CNTN3: variants seen among roughly 807,000 people sequenced by gnomAD.
CNTN3 encodes the protein contactin 3.
CNTN3 carries 60 observed loss-of-function variants against 119.1 expected under a neutral mutation model. The ratio of observed to expected loss-of-function variants is 0.50; its 90% confidence interval spans 0.41 to 0.62. The LOEUF is 0.62. Among genes scored for constraint, CNTN3 ranks in the 20% least tolerant of loss-of-function variants. CNTN3 has a pLI of 0.00. For synonymous variants in CNTN3, 450 were observed against 438.7 expected, an observed-to-expected ratio of 1.03 and a Z score of -0.32; for missense variants, 1,101 against 1,242.4, an observed-to-expected ratio of 0.89 and a Z score of 1.71.
At chr3:74,318,869 A>G (rs1176395234) in intron 13 of CNTN3, among the ~76,000 whole-genome samples, 3 of 152,122 alleles carry the variant, frequency 2.0e-5, no homozygotes, top group Non-Finnish European at 4.4e-5. Flanking sequence ...GAGAACCACT[A>G]GTCTCTTCAA....
chr3:74,398,144 A>G (rs1030706154), intron 5 of CNTN3, among the ~76,000 whole-genome samples: 5 of 152,196 alleles, frequency 3.3e-5, no homozygotes, highest in Non-Finnish European at 7.4e-5. Context: ...GTTTGAGAGG[A>G]CTGATTTTAG....
chr3:74,371,765 G>A (rs11710125), intron 5 of CNTN3, among the ~76,000 whole-genome samples: 11,807 of 152,034 alleles, frequency 0.078, 647 homozygotes, highest in Middle Eastern at 0.16. Context: ...CAAACTTGGC[G>A]AAGTTCTTTA....
chr3:74,558,065 G>A (rs754428075), intron 1 of CNTN3, among the ~76,000 whole-genome samples: 1 of 152,084 alleles, frequency 6.6e-6, no homozygotes, highest in East Asian at 1.9e-4. Flanking sequence ...AACTGCCCTC[G>A]GCCAGAGTTG....
At chr3:74,265,833 G>A (rs1183361714) in intron 22 of CNTN3, among the ~76,000 whole-genome samples, 2 of 152,128 alleles carry the variant, frequency 1.3e-5, no homozygotes, top group African/African-American at 4.8e-5. Flanking sequence ...TAGTTAAACT[G>A]AGGCCAGAAA....
intron 19 of CNTN3, among the ~76,000 whole-genome samples, chr3:74,286,107 T>C (rs1702112027): frequency 6.6e-6 from 1 of 151,836 alleles, no homozygotes; most frequent in Admixed American, 6.6e-5. Context: ...AGTACAGGGA[T>C]GGAGAAGAAA....
In CNTN3 at chr3:74,353,298, A is replaced by T. The variant is rs182389361; in HGVS notation, c.1364+8592T>A. Among the ~76,000 whole-genome samples, 3 of 152,312 alleles carry T rather than the reference A, an allele frequency of 2.0e-5. No homozygotes were observed. In the East Asian group the frequency reaches 5.8e-4, roughly 29 times the overall value. On this transcript the variant is annotated intron_variant, in intron 11 of 22. Coordinates refer to ENST00000263665, the MANE Select transcript of CNTN3 (RefSeq NM_020872.3). Reference sequence around the variant, plus strand: ...TGGCTCTGATAGAATCATCCTGGTTATTTGCAAAAGTTTAGATTCTGCTTG... The same window carrying T: ...TGGCTCTGATAGAATCATCCTGGTTTTTTGCAAAAGTTTAGATTCTGCTTG...
intron 4 of CNTN3, among the ~76,000 whole-genome samples, chr3:74,452,894 G>A (rs375938841): frequency 1.3e-5 from 2 of 151,164 alleles, no homozygotes; most frequent in Admixed American, 6.6e-5. Context: ...TAAGCTTTTT[G>A]ATGTGCTGCT....
intron 4 of CNTN3, among the ~76,000 whole-genome samples, chr3:74,469,652 C>A (rs1208794856): frequency 6.6e-6 from 1 of 152,154 alleles, no homozygotes; most frequent in South Asian, 2.1e-4. Context: ...CAATACGATA[C>A]CCCTTCGTAC....
chr3:74,541,756 T>C (rs192638808), intron 1 of CNTN3, among the ~76,000 whole-genome samples: 153 of 152,314 alleles, frequency 1.0e-3, no homozygotes, highest in Admixed American at 2.0e-3. Context: ...ACATGTATCA[T>C]ATATTCTTTT....
chr3:74,507,793 G>A (rs943575707), intron 2 of CNTN3, among the ~76,000 whole-genome samples: 2 of 151,650 alleles, frequency 1.3e-5, no homozygotes, highest in East Asian at 3.9e-4. Context: ...TGCCACACCC[G>A]GCTAACTTTC....
chr3:74,541,325 C>G (rs535032638), intron 1 of CNTN3, among the ~76,000 whole-genome samples: 14 of 152,074 alleles, frequency 9.2e-5, no homozygotes, highest in African/African-American at 3.4e-4. Context: ...TAGCTAATAG[C>G]AAAAACATAA....
chr3:74,352,909 G>A (rs565845007), intron 11 of CNTN3, among the ~76,000 whole-genome samples: 15 of 152,268 alleles, frequency 9.9e-5, no homozygotes, highest in South Asian at 4.1e-4. Context: ...TGACAGTTGC[G>A]AGGGAACAAC....
chr3:74,287,120 C>T (rs530366673), intron 19 of CNTN3, among the ~76,000 whole-genome samples: 4 of 152,276 alleles, frequency 2.6e-5, no homozygotes, highest in Non-Finnish European at 5.9e-5. Flanking sequence ...CGCCAGGCTT[C>T]GTATTCAAGT....
intron 13 of CNTN3, among the ~76,000 whole-genome samples, chr3:74,305,620 G>A (rs552683967): frequency 3.9e-5 from 6 of 151,962 alleles, no homozygotes; most frequent in East Asian, 3.9e-4. Flanking sequence ...TTTCAAAAGC[G>A]TGAAGGATAT....
At chr3:74,537,352 G>A (rs929377178) in intron 1 of CNTN3, among the ~76,000 whole-genome samples, 6 of 152,058 alleles carry the variant, frequency 3.9e-5, no homozygotes, top group African/African-American at 9.7e-5. Context: ...CAGACCATGT[G>A]GGGGAACTAT....
chr3:74,489,135 G>T (rs1262325459), intron 3 of CNTN3, among the ~76,000 whole-genome samples: 1 of 152,084 alleles, frequency 6.6e-6, no homozygotes, highest in Non-Finnish European at 1.5e-5. Flanking sequence ...ACACAATATG[G>T]TCTGCAGGCC....
At chr3:74,331,102 T>C (rs1325156105) in intron 13 of CNTN3, among the ~76,000 whole-genome samples, 1 of 152,206 alleles carries the variant, frequency 6.6e-6, no homozygotes, top group Non-Finnish European at 1.5e-5. Flanking sequence ...TTTTCAGTAG[T>C]GTACAGCAAT....
At chr3:74,521,731 T>C (rs531046542) in intron 1 of CNTN3, among the ~76,000 whole-genome samples, 1 of 152,000 alleles carries the variant, frequency 6.6e-6, no homozygotes, top group Non-Finnish European at 1.5e-5. Flanking sequence ...ATGCTAATGG[T>C]AGAAATGTTC....
intron 1 of CNTN3, among the ~76,000 whole-genome samples, chr3:74,537,932 C>T (rs950093540): frequency 2.6e-5 from 4 of 151,856 alleles, no homozygotes; most frequent in African/African-American, 4.8e-5. Flanking sequence ...AAGGGCAGCC[C>T]GAGGGGAAGG....
Sources: gnomAD v4.1 joint callset for allele counts (sites outside exome capture counted in the v4.1 genomes callset) on GRCh38, gnomAD v4.1.1 for gene constraint, MANE v1.5 for transcripts, NCBI Gene and HGNC (gene_info 2026-07-23, HGNC 2026-07-21) for gene names.